The following AGPAT5 variants were observed in gnomAD, a reference collection of about 807,000 sequenced individuals.
AGPAT5 encodes the protein 1-acyl-sn-glycerol-3-phosphate acyltransferase epsilon.
AGPAT5 carries 46 observed loss-of-function variants against 45.6 expected under a neutral mutation model. The observed-to-expected ratio is 1.01, with a 90% CI of 0.80 to 1.29. The LOEUF (loss-of-function observed/expected upper bound fraction) is 1.29, where lower values mean the gene tolerates loss of function less well. Among genes scored for constraint, AGPAT5 ranks in the 50% most tolerant of loss-of-function variants. The probability of loss-of-function intolerance (pLI) is 0.00; values close to 1 mark genes in which losing one functional copy is unlikely to be tolerated. For synonymous variants in AGPAT5, 272 were observed against 167.0 expected (o/e 1.63, Z -4.85); for missense variants, 673 against 450.7 (o/e 1.49, Z -4.47).
chr8:6,726,723 A>G (rs906092745), intron 2 of AGPAT5, among the ~76,000 whole-genome samples: 1 of 152,184 alleles, frequency 6.6e-6, no homozygotes, highest in East Asian at 1.9e-4. Context: ...TACTGACCTG[A>G]ATTTCATTTA....
intron 5 of AGPAT5, among the ~76,000 whole-genome samples, chr8:6,742,667 T>C (rs1801279156): frequency 6.6e-6 from 1 of 152,254 alleles, no homozygotes; most frequent in South Asian, 2.1e-4. Flanking sequence ...ATGAAACTAA[T>C]TTTTAATTTT....
At chr8:6,742,454 G>C (rs1368679678) in intron 5 of AGPAT5, among the ~76,000 whole-genome samples, 1 of 152,180 alleles carries the variant, frequency 6.6e-6, no homozygotes, top group East Asian at 1.9e-4. Flanking sequence ...TGTCTTTGAA[G>C]CTTGACTGTG....
chr8:6,755,191 C>T lies in AGPAT5; in HGVS notation c.869+17C>T. 1.9e-6 allele frequency: 3 copies of T among 1,587,964 alleles called. No homozygotes were observed. The highest frequency in any genetic ancestry group is 2.3e-5 in the East Asian group (1 of 44,036). On this transcript the variant is annotated intron_variant, in intron 7 of 7. Transcript: ENST00000285518. ...CAAAGATAAGTGAGTAACAACAGTTCCAGCACTTCCGGAACTTCGGTTCAA... is the reference window on the plus strand; with the variant it reads ...CAAAGATAAGTGAGTAACAACAGTTTCAGCACTTCCGGAACTTCGGTTCAA...
chr8:6,723,492 A>AT (rs1356056486), intron 1 of AGPAT5, among the ~76,000 whole-genome samples: 1 of 141,880 alleles, frequency 7.0e-6, no homozygotes, highest in Non-Finnish European at 1.5e-5. Context: ...AAGCACTGGG[A>AT]TTGCAGGCAT....
intron 1 of AGPAT5, among the ~76,000 whole-genome samples, chr8:6,718,208 G>C (rs2116863387): frequency 6.6e-6 from 1 of 152,316 alleles, no homozygotes; most frequent in Middle Eastern, 3.4e-3. Flanking sequence ...ACACATGCAT[G>C]CTGAGTGTAT....
At chr8:6,727,146 G>A (rs1800715299) in intron 2 of AGPAT5, among the ~76,000 whole-genome samples, 1 of 152,174 alleles carries the variant, frequency 6.6e-6, no homozygotes, top group African/African-American at 2.4e-5. Flanking sequence ...CTGTTGTTCT[G>A]CTTAGACTTT....
intron 3 of AGPAT5, among the ~76,000 whole-genome samples, chr8:6,731,386 C>T (rs922432371): frequency 6.6e-6 from 1 of 152,118 alleles, no homozygotes; most frequent in African/African-American, 2.4e-5. Flanking sequence ...TCAAGACCCT[C>T]ATATAGAATG....
At chr8:6,732,099 G>C (rs1186753965) in intron 3 of AGPAT5, among the ~76,000 whole-genome samples, 1 of 152,134 alleles carries the variant, frequency 6.6e-6, no homozygotes, top group Non-Finnish European at 1.5e-5. Flanking sequence ...CTGATTTGGG[G>C]GAACACACTT....
In AGPAT5 at chr8:6,730,731, A is replaced by G. The variant is rs749479144; in HGVS notation, c.310A>G (p.Ile104Val). The G allele has an allele frequency of 1.2e-6, 2 of 1,613,184 alleles. No individual in the cohort carries two copies. Among genetic ancestry groups the G allele is most frequent in the Non-Finnish European group, 1.7e-6 (2 of 1,179,442 alleles). The change falls in exon 3 of 8, where the codon ATC becomes GTC. Residue 104 changes from isoleucine to valine, a missense_variant. By Grantham distance (29) the Ile-to-Val change is conservative. Coordinates refer to ENST00000285518, the MANE Select transcript of AGPAT5 (RefSeq NM_018361.5). The stretch of plus-strand genomic sequence containing the variant: ...TGCAGTTGACTGGATTGTTGCTGAC[A>G]TCTTGGCCATCAGGCAGAATGCGCT... ...QSTVDWIVAD[I>V]LAIRQNALGH...
intron 2 of AGPAT5, among the ~76,000 whole-genome samples, chr8:6,726,146 T>G (rs1305227005): frequency 6.6e-6 from 1 of 152,204 alleles, no homozygotes; most frequent in African/African-American, 2.4e-5. Context: ...AGCAAAACAG[T>G]CAACCAATGG....
chr8:6,734,199 G>A (rs1486501600), intron 4 of AGPAT5, among the ~76,000 whole-genome samples: 1 of 150,902 alleles, frequency 6.6e-6, no homozygotes, highest in African/African-American at 2.4e-5. Flanking sequence ...AGTTATGTTT[G>A]TGTTGGTTCA....
intron 4 of AGPAT5, among the ~76,000 whole-genome samples, chr8:6,733,199 C>T (rs1415096076): frequency 6.6e-6 from 1 of 152,182 alleles, no homozygotes; most frequent in African/African-American, 2.4e-5. Flanking sequence ...AAGGCTTTTC[C>T]CCTGGTTCCC....
At chr8:6,748,050 A>G (rs904293395) in intron 6 of AGPAT5, among the ~76,000 whole-genome samples, 4 of 152,178 alleles carry the variant, frequency 2.6e-5, no homozygotes, top group Admixed American at 6.5e-5. Flanking sequence ...GGACTCACCA[A>G]TTATCATTAA....
chr8:6,732,720 C>T lies in AGPAT5; in HGVS notation c.495+70C>T, dbSNP rs1030619980. ...CTAAATTTAAGAATTAAATTAAAAT[C>T]TAAGAATTGTTTTGACAATGTATTT... On this transcript the variant is annotated intron_variant, in intron 4 of 7. Coordinates refer to ENST00000285518, the MANE Select transcript of AGPAT5 (RefSeq NM_018361.5). 6 of 1,287,796 alleles carry T rather than the reference C, an allele frequency of 4.7e-6. No individual in the cohort carries two copies. In the African/African-American group the frequency reaches 7.6e-5, roughly 16 times the overall value. The allele number at this position is 1,287,796 out of a possible 1,614,324, so 79.8% of individuals were successfully genotyped here. A position where few individuals can be genotyped will look rare whatever the true frequency, so the allele number is the denominator to read the frequency against.
At chr8:6,722,007 T>C (rs1034832538) in intron 1 of AGPAT5, among the ~76,000 whole-genome samples, 9 of 152,018 alleles carry the variant, frequency 5.9e-5, no homozygotes, top group African/African-American at 2.2e-4. Context: ...AAGGGGTTTG[T>C]ATGTGATTTT....
At chr8:6,744,825 G>A (rs1425809926) in intron 5 of AGPAT5, among the ~76,000 whole-genome samples, 1 of 152,184 alleles carries the variant, frequency 6.6e-6, no homozygotes, top group Non-Finnish European at 1.5e-5. Flanking sequence ...GCCCATCCCA[G>A]TGCTGGGCTG....
intron 1 of AGPAT5, chr8:6,709,205 G>A (rs1300321395): frequency 5.4e-5 from 22 of 406,372 alleles, no homozygotes; most frequent in Non-Finnish European, 7.8e-5. Context: ...CACGCGTTTA[G>A]CAGTTTCTGG....
chr8:6,712,762 A>T (rs1050314793), intron 1 of AGPAT5, among the ~76,000 whole-genome samples: 2 of 152,262 alleles, frequency 1.3e-5, no homozygotes, highest in African/African-American at 2.4e-5. Context: ...TATATCCTAA[A>T]TGTTGAGATA....
intron 6 of AGPAT5, among the ~76,000 whole-genome samples, chr8:6,748,996 T>G (rs908214932): frequency 6.6e-6 from 1 of 152,188 alleles, no homozygotes. Context: ...TAGACATTAT[T>G]AAAGCATTCA....
Sources: gnomAD v4.1 joint callset for allele counts (sites outside exome capture counted in the v4.1 genomes callset) on GRCh38, gnomAD v4.1.1 for gene constraint, MANE v1.5 for transcripts, NCBI Gene and HGNC (gene_info 2026-07-23, HGNC 2026-07-21) for gene names.